TAX1BP1: variants seen among roughly 807,000 people sequenced by gnomAD.
The protein encoded by TAX1BP1 is Tax1 binding protein 1, also known as tax1-binding protein 1.
TAX1BP1 carries 62 observed loss-of-function variants against 97.7 expected under a neutral mutation model. The ratio of observed to expected loss-of-function variants is 0.63; its 90% CI spans 0.52 to 0.78. TAX1BP1 has a LOEUF of 0.78. TAX1BP1 is among the 30% of genes least tolerant of loss of function. The pLI, the probability that TAX1BP1 is intolerant of heterozygous loss-of-function variation, is 0.00. For synonymous variants in TAX1BP1, 340 were observed against 304.2 expected, an observed-to-expected ratio of 1.12 and a Z score of -1.23; for missense variants, 867 against 916.1, an observed-to-expected ratio of 0.95 and a Z score of 0.69.
rs528595434 is a variant in TAX1BP1 at position 27,813,369 on chromosome 7, T to G, written c.1765-2980T>G. On this transcript the variant is annotated intron_variant, in intron 13 of 16. Transcript: ENST00000396319. ...TCTTTTCTTTTTTTTTTCTTTTTTTTTCTGAGACAGGGTCTTACTCTGTCA... is the reference window on the plus strand; with the variant it reads ...TCTTTTCTTTTTTTTTTCTTTTTTTGTCTGAGACAGGGTCTTACTCTGTCA... Among the ~76,000 whole-genome samples, 10 of 151,786 alleles carry G rather than the reference T, an allele frequency of 6.6e-5. 1 individual carries two copies. The South Asian group carries it at 2.1e-3, about 32-fold the overall frequency.
intron 4 of TAX1BP1, among the ~76,000 whole-genome samples, chr7:27,767,449 T>A (rs902444868): frequency 2.6e-5 from 4 of 152,142 alleles, no homozygotes; most frequent in Non-Finnish European, 5.9e-5. Context: ...AACTAATGAT[T>A]TTTTATTGTG....
In TAX1BP1 at chr7:27,774,240, A is replaced by G. The variant is rs1435488980; in HGVS notation, c.612+4406A>G. On this transcript the variant is annotated intron_variant, in intron 5 of 16. Transcript: ENST00000396319. ...GCTGTTTCTTCTCTAAAACGTAAAG[A>G]TATTTTGTGTTGTTGTAGAGTGACA... Among the ~76,000 whole-genome samples, 3 of 152,052 alleles carry G rather than the reference A, an allele frequency of 2.0e-5. No individual in the cohort carries two copies. In the East Asian group the frequency reaches 5.8e-4, roughly 29 times the overall value.
rs776055202 is a variant in TAX1BP1, at chr7:27,793,170, C to A, written c.1368C>A (p.Cys456Ter). The change falls in exon 10 of 17, where the codon TGC becomes TGA. Residue 456 changes from cysteine (C) to a stop codon, truncating the protein, a stop_gained. Coordinates refer to ENST00000396319, the MANE Select transcript of TAX1BP1 (RefSeq NM_006024.7). LOFTEE classifies it high-confidence loss of function. ...ATTATAAAGAAAAATTTAAGGAATG[C>A]CAAAGGCTCCAAAAACAAATAAACA... ...ADHYKEKFKE[C>*]QRLQKQINKL... 2.5e-5 allele frequency: 39 copies of A among 1,591,166 alleles called. No individual in the cohort carries two copies. The highest frequency in any genetic ancestry group is 3.3e-5 in the Non-Finnish European group (39 of 1,174,860).
At chr7:27,783,169 T>A (rs1789331851) in intron 5 of TAX1BP1, among the ~76,000 whole-genome samples, 1 of 152,230 alleles carries the variant, frequency 6.6e-6, no homozygotes, top group African/African-American at 2.4e-5. Context: ...TGTAGCAGGC[T>A]TAATTATCTG....
At chr7:27,749,983 GTC>G (rs1291641556) in intron 2 of TAX1BP1, among the ~76,000 whole-genome samples, 1 of 152,010 alleles carries the variant, frequency 6.6e-6, no homozygotes, top group African/African-American at 2.4e-5. Flanking sequence ...TAGAGACAGG[GTC>G]TCACTATGTT....
intron 13 of TAX1BP1, among the ~76,000 whole-genome samples, chr7:27,807,131 A>G (rs1790368275): frequency 6.6e-6 from 1 of 152,180 alleles, no homozygotes; most frequent in Non-Finnish European, 1.5e-5. Context: ...TTGAAAAAAT[A>G]GTATAGTGAA....
chr7:27,787,197 A>G (rs934914367), intron 7 of TAX1BP1, among the ~76,000 whole-genome samples: 5 of 152,208 alleles, frequency 3.3e-5, no homozygotes, highest in African/African-American at 1.2e-4. Flanking sequence ...GTTAGGGCTT[A>G]GAATAATCTC....
chr7:27,759,412 A>G (rs1788344363), intron 3 of TAX1BP1, among the ~76,000 whole-genome samples: 1 of 152,308 alleles, frequency 6.6e-6, no homozygotes, highest in East Asian at 1.9e-4. Context: ...AAAAATCACA[A>G]ATACTGATAG....
chr7:27,786,472 T>A (rs1789487011), intron 7 of TAX1BP1, among the ~76,000 whole-genome samples: 1 of 152,218 alleles, frequency 6.6e-6, no homozygotes, highest in Non-Finnish European at 1.5e-5. Context: ...GGTAGTTAGC[T>A]TAATTGTCAG....
At chr7:27,756,936 AACACTT>A (rs1165624861) in intron 2 of TAX1BP1, among the ~76,000 whole-genome samples, 1 of 152,134 alleles carries the variant, frequency 6.6e-6, no homozygotes, top group Non-Finnish European at 1.5e-5. Flanking sequence ...AATTTCATGA[AACACTT>A]ACCCTTAATA....
chr7:27,821,652 T>A (rs1312399057), intron 15 of TAX1BP1, among the ~76,000 whole-genome samples: 46 of 139,250 alleles, frequency 3.3e-4, no homozygotes, highest in East Asian at 8.2e-4. Flanking sequence ...AAAAAAAAAG[T>A]AGTTAATTTT....
chr7:27,805,140 A>G (rs1790287491), intron 13 of TAX1BP1, among the ~76,000 whole-genome samples: 1 of 152,190 alleles, frequency 6.6e-6, no homozygotes, highest in Admixed American at 6.5e-5. Flanking sequence ...TTCCACCAGC[A>G]ATGTATGAGA....
chr7:27,820,463 T>C (rs1210667592), intron 15 of TAX1BP1, among the ~76,000 whole-genome samples: 1 of 152,238 alleles, frequency 6.6e-6, no homozygotes, highest in Non-Finnish European at 1.5e-5. Flanking sequence ...GTTGCACTGT[T>C]TGAGTTTTTG....
chr7:27,792,721 G>T (rs373556297), intron 9 of TAX1BP1, among the ~76,000 whole-genome samples: 12 of 152,136 alleles, frequency 7.9e-5, no homozygotes, highest in Non-Finnish European at 1.2e-4. Context: ...CAGCACTTTG[G>T]GGGGCTGAGG....
At chr7:27,746,374 GT>G (rs1189962976) in intron 1 of TAX1BP1, among the ~76,000 whole-genome samples, 140 of 110,626 alleles carry the variant, frequency 1.3e-3, no homozygotes, top group South Asian at 5.1e-3. Flanking sequence ...CCAGTAGTGA[GT>G]TTTTTTTTTT....
chr7:27,765,871 G>C lies in TAX1BP1; in HGVS notation c.303G>C (p.Gln101His). 1 of 1,614,144 alleles carries C rather than the reference G, an allele frequency of 6.2e-7. No individual in the cohort carries two copies. The highest frequency in any genetic ancestry group is 1.3e-5 in the African/African-American group (1 of 75,032). ...YLPNDDGEFY[Q>H]FCYVTHKGEI... ...CAAATGATGATGGAGAATTTTATCAGTTCTGTTACGTTACCCATAAGGGTG... is the reference window on the plus strand; with the variant it reads ...CAAATGATGATGGAGAATTTTATCACTTCTGTTACGTTACCCATAAGGGTG... The change falls in exon 4 of 17, where the codon CAG becomes CAC. Residue 101 changes from glutamine to histidine, a missense_variant. Around this residue, in one of 3 missense-constraint regions of TAX1BP1, gnomAD observed 822 missense variants for 851.4 expected, o/e 0.97. Transcript: ENST00000396319.
intron 2 of TAX1BP1, among the ~76,000 whole-genome samples, chr7:27,752,830 C>T (rs1398629060): frequency 1.3e-5 from 2 of 152,142 alleles, no homozygotes; most frequent in African/African-American, 4.8e-5. Flanking sequence ...ATCCATTATA[C>T]GTTGGAGCTG....
intron 15 of TAX1BP1, among the ~76,000 whole-genome samples, chr7:27,820,574 C>T (rs879695658): frequency 6.6e-6 from 1 of 152,112 alleles, no homozygotes; most frequent in Non-Finnish European, 1.5e-5. Context: ...ACAGTCAATT[C>T]ATTTTTATCA....
intron 15 of TAX1BP1, among the ~76,000 whole-genome samples, chr7:27,817,428 G>A (rs781650236): frequency 6.6e-6 from 1 of 152,142 alleles, no homozygotes; most frequent in Non-Finnish European, 1.5e-5. Flanking sequence ...ATGCTTCAGT[G>A]TACATCTTTT....
Sources: gnomAD v4.1 joint callset for allele counts (sites outside exome capture counted in the v4.1 genomes callset) on GRCh38, gnomAD v4.1.1 for gene constraint, gnomAD v4.1.1 regional missense constraint, MANE v1.5 for transcripts, NCBI Gene and HGNC (gene_info 2026-07-23, HGNC 2026-07-21) for gene names.